The following NELL1 variants were observed in gnomAD, a reference collection of about 807,000 sequenced individuals.
NELL1 encodes neural EGFL like 1.
NELL1 carries 76 observed loss-of-function variants against 107.4 expected under a neutral mutation model. That is an observed-to-expected ratio of 0.71 (90% confidence interval 0.59 to 0.86). The LOEUF (loss-of-function observed/expected upper bound fraction) is 0.86. NELL1 is among the 40% of genes least tolerant of loss of function. The pLI, the probability that NELL1 is intolerant of heterozygous loss-of-function variation, is 0.00. For synonymous variants in NELL1, 353 were observed against 341.2 expected (o/e 1.03, Z -0.38); for missense variants, 1,024 against 1,005.5 (o/e 1.02, Z -0.25).
intron 14 of NELL1, among the ~76,000 whole-genome samples, chr11:21,288,537 C>G (rs1040645239): frequency 6.6e-6 from 1 of 152,218 alleles, no homozygotes; most frequent in Non-Finnish European, 1.5e-5. Flanking sequence ...TAATAGCTGA[C>G]TGACATTCAT....
chr11:21,365,768 T>C (rs1458096536), intron 14 of NELL1, among the ~76,000 whole-genome samples: 1 of 151,990 alleles, frequency 6.6e-6, no homozygotes, highest in Admixed American at 6.6e-5. Context: ...TGTTACTGAT[T>C]TTTACTCTTA....
At chr11:21,348,632 C>T (rs1471731518) in intron 14 of NELL1, among the ~76,000 whole-genome samples, 1 of 152,108 alleles carries the variant, frequency 6.6e-6, no homozygotes, top group African/African-American at 2.4e-5. Context: ...ATGTTTAGTA[C>T]ATTACCTGGC....
chr11:21,240,773 G>GC (rs1396500996), intron 14 of NELL1, among the ~76,000 whole-genome samples: 2 of 144,224 alleles, frequency 1.4e-5, no homozygotes, highest in Non-Finnish European at 3.0e-5. Flanking sequence ...TAGTGGGGGG[G>GC]GGGAGGGGGG....
chr11:20,954,224 C>T (rs1172600182), intron 11 of NELL1, among the ~76,000 whole-genome samples: 1 of 152,158 alleles, frequency 6.6e-6, no homozygotes, highest in Non-Finnish European at 1.5e-5. Context: ...TAGCCAAGTG[C>T]CTAGCACATA....
chr11:20,713,042 T>A (rs996978734), intron 2 of NELL1, among the ~76,000 whole-genome samples: 41 of 152,232 alleles, frequency 2.7e-4, no homozygotes, highest in African/African-American at 8.7e-4. Flanking sequence ...GTTTTCTCTT[T>A]CCTGGGAGCA....
intron 13 of NELL1, among the ~76,000 whole-genome samples, chr11:21,220,956 G>A (rs1857741891): frequency 6.6e-6 from 1 of 152,050 alleles, no homozygotes. Flanking sequence ...TAGTTCTTAG[G>A]GAAAATATAT....
chr11:20,933,697 G>A (rs1850663886), intron 9 of NELL1, among the ~76,000 whole-genome samples: 1 of 152,142 alleles, frequency 6.6e-6, no homozygotes, highest in Admixed American at 6.5e-5. Context: ...AATAAAGATA[G>A]GGAAACCTTG....
At chr11:21,413,497 C>G (rs1852430177) in intron 15 of NELL1, among the ~76,000 whole-genome samples, 1 of 152,002 alleles carries the variant, frequency 6.6e-6, no homozygotes. Context: ...CTAATCAAAT[C>G]CTATTCCCTC....
chr11:21,136,226 G>C (rs1607099), intron 13 of NELL1, among the ~76,000 whole-genome samples: 103,655 of 151,484 alleles, frequency 0.68, 35,643 homozygotes, highest in Middle Eastern at 0.72. Flanking sequence ...ATGCTATGTT[G>C]CCAAAGAAGG....
At chr11:20,856,034 T>C (rs1848876897) in intron 4 of NELL1, among the ~76,000 whole-genome samples, 1 of 152,234 alleles carries the variant, frequency 6.6e-6, no homozygotes, top group African/African-American at 2.4e-5. Flanking sequence ...TTATAAATAA[T>C]AGCAGCCAGA....
At chr11:20,729,133 C>T (rs967433736) in intron 2 of NELL1, among the ~76,000 whole-genome samples, 4 of 12,870 alleles carry the variant, frequency 3.1e-4, no homozygotes, top group Admixed American at 2.0e-3. Flanking sequence ...AAAAATGCTA[C>T]TGATTTTTTT....
At chr11:21,260,462 A>T (rs975400991) in intron 14 of NELL1, 1 of 151,876 alleles carries the variant, frequency 6.6e-6, no homozygotes, top group Non-Finnish European at 1.5e-5. Flanking sequence ...GAGCATCCTG[A>T]TGTATTTAGT....
intron 14 of NELL1, among the ~76,000 whole-genome samples, chr11:21,242,655 G>A (rs1258922077): frequency 1.3e-5 from 2 of 152,144 alleles, no homozygotes; most frequent in Middle Eastern, 3.4e-3. Flanking sequence ...AGGCCTACAC[G>A]TAAAAATTAC....
intron 14 of NELL1, among the ~76,000 whole-genome samples, chr11:21,355,794 T>C (rs1235636675): frequency 6.6e-6 from 1 of 152,200 alleles, no homozygotes; most frequent in Non-Finnish European, 1.5e-5. Flanking sequence ...TCAGCATCAG[T>C]TCTATGGAGC....
intron 5 of NELL1, among the ~76,000 whole-genome samples, chr11:20,905,312 G>A (rs1849971242): frequency 6.6e-6 from 1 of 152,134 alleles, no homozygotes; most frequent in South Asian, 2.1e-4. Flanking sequence ...TAAAGGGGCA[G>A]ATCTGTTCTC....
At chr11:21,259,380 G>A in intron 14 of NELL1, among the ~76,000 whole-genome samples, 1 of 151,876 alleles carries the variant, frequency 6.6e-6, no homozygotes, top group East Asian at 1.9e-4. Flanking sequence ...AATTTCAAAG[G>A]ACAAGTGGGA....
chr11:20,694,897 A>G (rs991470471), intron 2 of NELL1, among the ~76,000 whole-genome samples: 6 of 151,996 alleles, frequency 3.9e-5, no homozygotes, highest in Non-Finnish European at 7.4e-5. Flanking sequence ...TGGTCATTTT[A>G]ATGATAGTGA....
At chr11:21,332,067 G>A (rs1850284221) in intron 14 of NELL1, among the ~76,000 whole-genome samples, 1 of 151,926 alleles carries the variant, frequency 6.6e-6, no homozygotes, top group Non-Finnish European at 1.5e-5. Flanking sequence ...TCTTTCTGAG[G>A]TCTCTATTGA....
intron 14 of NELL1, among the ~76,000 whole-genome samples, chr11:21,325,997 A>G (rs193063165): frequency 7.0e-6 from 1 of 143,484 alleles, no homozygotes; most frequent in Admixed American, 7.0e-5. Flanking sequence ...ATTTAATTAT[A>G]TGAATAGACC....
Sources: gnomAD v4.1 joint callset for allele counts (sites outside exome capture counted in the v4.1 genomes callset) on GRCh38, gnomAD v4.1.1 for gene constraint, MANE v1.5 for transcripts, NCBI Gene and HGNC (gene_info 2026-07-23, HGNC 2026-07-21) for gene names.